Variants in PLEKHG4B observed in about 807,000 individuals in gnomAD.
PLEKHG4B encodes pleckstrin homology and RhoGEF domain containing G4B, also known as pleckstrin homology domain-containing family G member 4B.
A neutral mutation model predicts 121.3 loss-of-function variants in PLEKHG4B; 111 were observed. That is an observed-to-expected ratio of 0.92 (90% CI 0.78 to 1.07). The LOEUF (loss-of-function observed/expected upper bound fraction) is 1.07, where lower values mean the gene tolerates loss of function less well. Among genes scored for constraint, PLEKHG4B ranks in the 50% least tolerant of loss-of-function variants. The pLI is 0.00. For synonymous variants in PLEKHG4B, 738 were observed against 725.0 expected, an observed-to-expected ratio of 1.02 and a Z score of -0.29; for missense variants, 1,831 against 1,757.8, an observed-to-expected ratio of 1.04 and a Z score of -0.74.
chr5:162,223 C>T (rs775470558), intron 12 of PLEKHG4B, among the ~76,000 whole-genome samples: 1 of 151,736 alleles, frequency 6.6e-6, no homozygotes, highest in African/African-American at 2.4e-5. Context: ...ACTGATTGCC[C>T]AAAACCCTAA....
chr5:117,786 G>C (rs1734347034), intron 2 of PLEKHG4B, among the ~76,000 whole-genome samples: 1 of 152,230 alleles, frequency 6.6e-6, no homozygotes, highest in Non-Finnish European at 1.5e-5. Context: ...CCAGGAGATA[G>C]AAGTTGCAGT....
rs1409268126 is a variant in PLEKHG4B at position 187,517 on chromosome 5, C to G, written c.*5194C>G. ...GACCCCTCATGCCAACACCATTCCA[C>G]CCAGCAGTTTCTTCCCTGTGGTCAG... is the stretch of plus-strand genomic sequence containing the variant. On this transcript the variant is annotated 3_prime_UTR_variant, in exon 20 of 20. Coordinates refer to ENST00000637938, the MANE Select transcript of PLEKHG4B (RefSeq NM_052909.5). The G allele has an allele frequency of 6.6e-6, 1 of 152,340 alleles. No individual in the cohort carries two copies. Among genetic ancestry groups the G allele is most frequent in the Non-Finnish European group, 1.5e-5 (1 of 68,152 alleles). 9.4% of individuals were successfully genotyped at this position (152,340 alleles called of 1,614,324 possible).
intron 1 of PLEKHG4B, among the ~76,000 whole-genome samples, chr5:96,385 GA>G (rs1241260744): frequency 1.3e-5 from 2 of 152,086 alleles, no homozygotes; most frequent in Non-Finnish European, 2.9e-5. Flanking sequence ...ATTTCTTAGG[GA>G]AAAATATTCA....
chr5:172,828 G>A (rs1736608834), intron 16 of PLEKHG4B, 69 bp from the exon 17 acceptor site: 4 of 1,549,566 alleles, frequency 2.6e-6, no homozygotes, highest in South Asian at 2.2e-5. Flanking sequence ...TTTAGACGGA[G>A]ACAGTGACCT....
intron 2 of PLEKHG4B, among the ~76,000 whole-genome samples, chr5:129,328 T>G (rs2126379244): frequency 6.6e-6 from 1 of 152,226 alleles, no homozygotes. Context: ...TTAACTGGAG[T>G]GTTTCTTTCT....
rs114104093 is a variant in PLEKHG4B at position 115,913 on chromosome 5, C to G, written c.243+2465C>G. ...CTCCATGTCAGCAATAAGGCTGTTTCTCTTTCATATCATTTGTGTGTTCCT... is the reference window on the plus strand; with the variant it reads ...CTCCATGTCAGCAATAAGGCTGTTTGTCTTTCATATCATTTGTGTGTTCCT... On this transcript the variant is annotated intron_variant, in intron 2 of 19. Transcript: ENST00000637938. Among the ~76,000 whole-genome samples the G allele has an allele frequency of 7.6e-3, 1,155 of 152,326 alleles. 4 individuals are homozygous for G. The highest frequency in any genetic ancestry group is 0.012 in the Non-Finnish European group (834 of 68,026).
At chr5:102,275 A>C (rs1733844219) in intron 1 of PLEKHG4B, among the ~76,000 whole-genome samples, 1 of 152,094 alleles carries the variant, frequency 6.6e-6, no homozygotes, top group Admixed American at 6.5e-5. Context: ...AACTCACATC[A>C]GTTTCTGTCA....
In PLEKHG4B at chr5:163,179, C is replaced by G. The variant is rs548159739; in HGVS notation, c.3107C>G (p.Pro1036Arg). ...LRPGLCALWD[P>R]LSLLRGLPGA... ...CCAGGGCTGTGTGCTCTGTGGGACC[C>G]ACTGTCCCTCCTCAGGGGCCTTCCA... Residue 1036 changes from proline (P) to arginine (R), a missense_variant, in exon 13 of 20, where the codon CCA becomes CGA. Coordinates refer to ENST00000637938, the MANE Select transcript of PLEKHG4B (RefSeq NM_052909.5). 7 of 1,575,452 alleles carry G rather than the reference C, an allele frequency of 4.4e-6. No homozygotes were observed. Among genetic ancestry groups the G allele is most frequent in the African/African-American group, 1.3e-5 (1 of 74,098 alleles).
intron 4 of PLEKHG4B, 52 bp downstream of exon 4, chr5:143,308 G>T: frequency 1.2e-6 from 2 of 1,607,618 alleles, no homozygotes; most frequent in Non-Finnish European, 1.7e-6. Context: ...CATCTAAGCC[G>T]ACAGCACAGA....
intron 1 of PLEKHG4B, among the ~76,000 whole-genome samples, chr5:104,501 A>G (rs1273452502): frequency 1.3e-5 from 2 of 152,220 alleles, no homozygotes; most frequent in Non-Finnish European, 1.5e-5. Context: ...ATGTTCCAAT[A>G]TTAATTAAGT....
chr5:130,654 T>TA (rs534192393), intron 2 of PLEKHG4B, among the ~76,000 whole-genome samples: 138 of 152,336 alleles, frequency 9.1e-4, no homozygotes, highest in African/African-American at 3.3e-3. Context: ...CTGCAGCACT[T>TA]AAACAGTGAA....
intron 2 of PLEKHG4B, among the ~76,000 whole-genome samples, chr5:133,921 C>G (rs562161262): frequency 1.4e-5 from 2 of 144,202 alleles, no homozygotes; most frequent in East Asian, 3.9e-4. Flanking sequence ...GTGACACACA[C>G]GCACACACAC....
intron 6 of PLEKHG4B, among the ~76,000 whole-genome samples, chr5:148,994 T>A (rs1361722789): frequency 6.6e-6 from 1 of 152,150 alleles, no homozygotes; most frequent in Non-Finnish European, 1.5e-5. Flanking sequence ...TAACAAATGG[T>A]GCTTAAAAAA....
At position 163,195 on chromosome 5, in the gene PLEKHG4B, G is replaced by A. The variant is rs925023404; in HGVS notation, c.3123G>A (p.Arg1041=). Residue 1041 remains arginine (R), a synonymous_variant, in exon 13 of 20, where the codon AGG becomes AGA. Transcript: ENST00000637938. ...TGTGGGACCCACTGTCCCTCCTCAG[G>A]GGCCTTCCAGGGGCAGGGGCCACCA... The part of the protein sequence containing the change: ...CALWDPLSLL[R]GLPGAGATTA... The A allele has an allele frequency of 1.3e-6, 2 of 1,585,902 alleles. No individual in the cohort carries two copies. Among genetic ancestry groups the A allele is most frequent in the Non-Finnish European group, 8.6e-7 (1 of 1,167,100 alleles).
intron 2 of PLEKHG4B, among the ~76,000 whole-genome samples, chr5:125,702 C>A (rs373023646): frequency 3.3e-5 from 5 of 152,218 alleles, no homozygotes; most frequent in African/African-American, 1.2e-4. Context: ...GTATTGAAAT[C>A]TTTATTTCTT....
intron 3 of PLEKHG4B, among the ~76,000 whole-genome samples, chr5:142,707 C>G (rs763149278): frequency 5.3e-5 from 8 of 152,136 alleles, no homozygotes; most frequent in Non-Finnish European, 8.8e-5. Context: ...ACCACACATG[C>G]ACGCGCAGTC....
At chr5:165,285 G>A (rs193042127) in intron 13 of PLEKHG4B, among the ~76,000 whole-genome samples, 1 of 26,792 alleles carries the variant, frequency 3.7e-5, no homozygotes, top group Non-Finnish European at 8.5e-5. Context: ...GACGGGGCGG[G>A]GCTCACACTA....
Position 174,067 on chromosome 5 carries a change from G to A in PLEKHG4B, c.4371G>A (p.Arg1457=), listed in dbSNP as rs764900857. The A allele has an allele frequency of 1.3e-6, 2 of 1,591,334 alleles. No homozygotes were observed. The highest frequency in any genetic ancestry group is 2.3e-5 in the East Asian group (1 of 44,180). The change falls in exon 18 of 20, where the codon AGG becomes AGA. Residue 1457 remains arginine (R), a synonymous_variant. Coordinates refer to ENST00000637938, the MANE Select transcript of PLEKHG4B (RefSeq NM_052909.5). The part of the protein sequence containing the change: ...VKSAWTDVIG[R]ILWRQALKSR... ...GTGCATGGACCGATGTCATAGGGAG[G>A]ATCCTGTGGCGGCAGGCACTAAAGA...
chr5:178,919 T>C (rs1257029842), intron 18 of PLEKHG4B, among the ~76,000 whole-genome samples: 1 of 152,234 alleles, frequency 6.6e-6, no homozygotes, highest in Non-Finnish European at 1.5e-5. Context: ...TTATAATCCA[T>C]AGTACAATGA....
Sources: allele counts gnomAD v4.1 joint callset (sites outside exome capture counted in the v4.1 genomes callset), GRCh38; gene constraint gnomAD v4.1.1; transcripts MANE v1.5; gene names NCBI Gene and HGNC (gene_info 2026-07-23, HGNC 2026-07-21).